ATP8A1: variants seen among roughly 807,000 people sequenced by gnomAD.
ATP8A1 encodes the protein ATPase phospholipid transporting 8A1.
ATP8A1 carries 90 observed loss-of-function variants against 177.7 expected under a neutral mutation model. That is an observed-to-expected ratio of 0.51 (90% CI 0.43 to 0.60). ATP8A1 has a LOEUF of 0.60. Ranked by LOEUF, ATP8A1 falls within the 20% of genes least tolerant of loss-of-function variation. The probability of loss-of-function intolerance (pLI) is 0.00; values close to 1 mark genes in which losing one functional copy is unlikely to be tolerated. For synonymous variants in ATP8A1, 493 were observed against 485.9 expected (o/e 1.01, Z -0.19); for missense variants, 1,072 against 1,392.8 (o/e 0.77, Z 3.67).
intron 15 of ATP8A1, among the ~76,000 whole-genome samples, chr4:42,563,547 A>C (rs1412238152): frequency 4.6e-5 from 7 of 152,246 alleles, no homozygotes; most frequent in African/African-American, 1.7e-4. Context: ...TCCCCAAGAT[A>C]ATGGGAAAAA....
chr4:42,511,960 T>A (rs887096424), intron 22 of ATP8A1, among the ~76,000 whole-genome samples: 72 of 152,206 alleles, frequency 4.7e-4, no homozygotes, highest in Non-Finnish European at 3.2e-4. Flanking sequence ...TTAAACCAAA[T>A]TGTACCACTG....
At chr4:42,594,022 T>C (rs1426225086) in intron 6 of ATP8A1, among the ~76,000 whole-genome samples, 1 of 152,052 alleles carries the variant, frequency 6.6e-6, no homozygotes, top group African/African-American at 2.4e-5. Flanking sequence ...AGAGTTATGA[T>C]CCCCACAAAA....
intron 1 of ATP8A1, among the ~76,000 whole-genome samples, chr4:42,654,458 T>C (rs1195747353): frequency 6.6e-6 from 1 of 152,140 alleles, no homozygotes; most frequent in Admixed American, 6.5e-5. Flanking sequence ...GAACTAGGGC[T>C]ATAAAATTCG....
chr4:42,508,283 C>T (rs1724662821), intron 22 of ATP8A1, among the ~76,000 whole-genome samples: 1 of 152,166 alleles, frequency 6.6e-6, no homozygotes, highest in African/African-American at 2.4e-5. Context: ...TAGGTACGTG[C>T]CACCACACTG....
intron 33 of ATP8A1, among the ~76,000 whole-genome samples, chr4:42,425,003 G>T (rs1032450747): frequency 6.6e-5 from 10 of 152,186 alleles, no homozygotes; most frequent in Non-Finnish European, 1.5e-5. Context: ...TGACATGTTT[G>T]CTGACATCCT....
chr4:42,555,351 C>G (rs1354818204), intron 16 of ATP8A1, among the ~76,000 whole-genome samples: 5 of 151,878 alleles, frequency 3.3e-5, no homozygotes, highest in African/African-American at 1.2e-4. Flanking sequence ...ATTTCGATAA[C>G]TTATTTCTAA....
At chr4:42,455,708 T>G (rs1293820883) in intron 27 of ATP8A1, 109 bp from the exon 28 acceptor site, 2 of 888,502 alleles carry the variant, frequency 2.3e-6, no homozygotes, top group African/African-American at 1.7e-5. Flanking sequence ...TAACATATTA[T>G]ACTCATGACT....
intron 25 of ATP8A1, among the ~76,000 whole-genome samples, chr4:42,478,948 G>C (rs1490299358): frequency 1.3e-5 from 2 of 152,198 alleles, no homozygotes; most frequent in Non-Finnish European, 2.9e-5. Context: ...CCAGTGAGGA[G>C]AGATGAGGAA....
chr4:42,467,693 G>A (rs894141838), intron 25 of ATP8A1, among the ~76,000 whole-genome samples: 4 of 152,032 alleles, frequency 2.6e-5, no homozygotes, highest in East Asian at 1.9e-4. Flanking sequence ...ACTCCATCTC[G>A]GGAAAACAAA....
chr4:42,591,020 A>G, intron 6 of ATP8A1, 136 bp from the exon 7 acceptor site: 1 of 745,532 alleles, frequency 1.3e-6, no homozygotes, highest in Non-Finnish European at 2.2e-6. Flanking sequence ...AAAAACATCT[A>G]ATGCCAATTT....
intron 1 of ATP8A1, among the ~76,000 whole-genome samples, chr4:42,633,695 C>T (rs972388361): frequency 2.6e-5 from 4 of 152,126 alleles, no homozygotes; most frequent in African/African-American, 9.7e-5. Flanking sequence ...GTTGTAAGGA[C>T]CCAGCGAGTA....
chr4:42,544,618 C>A (rs1327105288), intron 19 of ATP8A1, among the ~76,000 whole-genome samples: 3 of 152,140 alleles, frequency 2.0e-5, no homozygotes, highest in Non-Finnish European at 2.9e-5. Context: ...TCTTTCAATG[C>A]ATTAGTAAAA....
At chr4:42,488,489 TG>T (rs1158646931) in intron 24 of ATP8A1, among the ~76,000 whole-genome samples, 1 of 152,182 alleles carries the variant, frequency 6.6e-6, no homozygotes, top group Non-Finnish European at 1.5e-5. Flanking sequence ...TTGCTTCCCT[TG>T]AGCCCTCATC....
At chr4:42,511,148 C>T (rs1382384227) in intron 22 of ATP8A1, among the ~76,000 whole-genome samples, 2 of 152,180 alleles carry the variant, frequency 1.3e-5, no homozygotes, top group Non-Finnish European at 2.9e-5. Context: ...TCTGCAGACT[C>T]CTTTCCTTTT....
At chr4:42,421,550 G>A (rs1190746329) in intron 35 of ATP8A1, among the ~76,000 whole-genome samples, 1 of 152,104 alleles carries the variant, frequency 6.6e-6, no homozygotes, top group Non-Finnish European at 1.5e-5. Context: ...AAATGCAAGG[G>A]AAGCACCTGG....
At chr4:42,564,885 G>A (rs901080810) in intron 15 of ATP8A1, among the ~76,000 whole-genome samples, 8 of 152,150 alleles carry the variant, frequency 5.3e-5, no homozygotes, top group African/African-American at 1.2e-4. Flanking sequence ...GAATTCCCAC[G>A]TGTTATAGGA....
At chr4:42,581,940 T>A (rs1273826439) in intron 9 of ATP8A1, among the ~76,000 whole-genome samples, 1 of 152,122 alleles carries the variant, frequency 6.6e-6, no homozygotes, top group Non-Finnish European at 1.5e-5. Flanking sequence ...AACCAGTCAT[T>A]TTCTGTAACT....
chr4:42,594,430 T>TA, intron 6 of ATP8A1: 1 of 886,074 alleles, frequency 1.1e-6, no homozygotes, highest in South Asian at 1.5e-5. Context: ...CAACCCATTG[T>TA]AAAAAGCATA....
At chr4:42,451,716 GA>G (rs1207809286) in intron 30 of ATP8A1, among the ~76,000 whole-genome samples, 1 of 151,968 alleles carries the variant, frequency 6.6e-6, no homozygotes, top group African/African-American at 2.4e-5. Flanking sequence ...TCAACAGAGG[GA>G]AAAAAAGCCC....
Sources: allele counts gnomAD v4.1 joint callset (sites outside exome capture counted in the v4.1 genomes callset), GRCh38; gene constraint gnomAD v4.1.1; transcripts MANE v1.5; gene names NCBI Gene and HGNC (gene_info 2026-07-23, HGNC 2026-07-21).